ARB2A: variants seen among roughly 807,000 people sequenced by gnomAD.
ARB2A encodes cotranscriptional regulator ARB2A.
At chr5:93,985,141 G>C in the ARB2A span, among the ~76,000 whole-genome samples, 46 of 152,216 alleles carry the variant, frequency 3.0e-4, no homozygotes, top group African/African-American at 1.1e-3. Flanking sequence ...GCACAGTGTA[G>C]TCTTATTATC....
chr5:94,050,853 A>G, the ARB2A span: 1 of 1,483,564 alleles, frequency 6.7e-7, no homozygotes, highest in Non-Finnish European at 9.3e-7. Flanking sequence ...AACAAACAAT[A>G]TTGCTATACT....
the ARB2A span, among the ~76,000 whole-genome samples, chr5:93,785,694 C>T: frequency 6.6e-6 from 1 of 152,138 alleles, no homozygotes; most frequent in Non-Finnish European, 1.5e-5. Flanking sequence ...AACATTTCTG[C>T]ACCTCAAGTC....
chr5:93,995,351 A>T, the ARB2A span, among the ~76,000 whole-genome samples: 1 of 152,208 alleles, frequency 6.6e-6, no homozygotes, highest in African/African-American at 2.4e-5. Context: ...GTTCAGTGCA[A>T]TACTGTAAAC....
the ARB2A span, among the ~76,000 whole-genome samples, chr5:93,914,278 G>A: frequency 6.6e-6 from 1 of 151,956 alleles, no homozygotes; most frequent in Non-Finnish European, 1.5e-5. Flanking sequence ...GTTGTGAGGT[G>A]AATAGGAAAA....
At chr5:93,666,993 CCAGAAA>C in the ARB2A span, among the ~76,000 whole-genome samples, 6 of 152,022 alleles carry the variant, frequency 3.9e-5, no homozygotes, top group African/African-American at 1.4e-4. Context: ...CCTTTGGAGT[CCAGAAA>C]TGAATCTGTA....
chr5:93,670,193 G>A, the ARB2A span, among the ~76,000 whole-genome samples: 2 of 152,152 alleles, frequency 1.3e-5, no homozygotes, highest in East Asian at 3.8e-4. Flanking sequence ...AGGCTATTGA[G>A]CCAGCTTCTT....
the ARB2A span, among the ~76,000 whole-genome samples, chr5:93,687,925 G>A: frequency 6.6e-6 from 1 of 151,552 alleles, no homozygotes; most frequent in South Asian, 2.1e-4. Context: ...CTACTTCCAG[G>A]CAAAACCAAA....
chr5:93,745,829 G>A, the ARB2A span, among the ~76,000 whole-genome samples: 5 of 152,000 alleles, frequency 3.3e-5, no homozygotes, highest in Non-Finnish European at 5.9e-5. Flanking sequence ...AGTTAGCACT[G>A]ACCAGGCATT....
chr5:93,781,861 C>T, the ARB2A span: 1 of 985,060 alleles, frequency 1.0e-6, no homozygotes, highest in Non-Finnish European at 1.2e-6. Context: ...ACTTACAAAA[C>T]AAAAAACTTT....
chr5:93,641,475 A>T, the ARB2A span, among the ~76,000 whole-genome samples: 1 of 152,172 alleles, frequency 6.6e-6, no homozygotes, highest in Admixed American at 6.5e-5. Context: ...CTGCACATGA[A>T]AAAAGGAAGA....
chr5:93,903,367 G>C, the ARB2A span, among the ~76,000 whole-genome samples: 1 of 151,890 alleles, frequency 6.6e-6, no homozygotes, highest in African/African-American at 2.4e-5. Context: ...TCAGACATCA[G>C]CAATAACAAC....
the ARB2A span, among the ~76,000 whole-genome samples, chr5:93,770,354 T>A: frequency 6.6e-6 from 1 of 152,154 alleles, no homozygotes; most frequent in Non-Finnish European, 1.5e-5. Flanking sequence ...AATATCATAC[T>A]GAATGGGAAA....
chr5:94,047,726 T>A, the ARB2A span, among the ~76,000 whole-genome samples: 1 of 152,146 alleles, frequency 6.6e-6, no homozygotes, highest in Non-Finnish European at 1.5e-5. Flanking sequence ...GAATTATGTA[T>A]AAGATCCTAG....
the ARB2A span, among the ~76,000 whole-genome samples, chr5:94,103,652 T>C: frequency 2.6e-5 from 4 of 151,998 alleles, no homozygotes; most frequent in African/African-American, 9.7e-5. Context: ...GGACCTAAAC[T>C]TGACATTTGA....
At chr5:93,989,194 A>AAAAT in the ARB2A span, among the ~76,000 whole-genome samples, 2 of 152,208 alleles carry the variant, frequency 1.3e-5, no homozygotes, top group African/African-American at 4.8e-5. Context: ...TTTTAAAACA[A>AAAAT]AAATAAGATA....
the ARB2A span, among the ~76,000 whole-genome samples, chr5:93,701,053 G>C: frequency 6.6e-6 from 1 of 152,130 alleles, no homozygotes; most frequent in African/African-American, 2.4e-5. Context: ...GAATGTGTTT[G>C]TATCTAATCT....
the ARB2A span, among the ~76,000 whole-genome samples, chr5:93,762,818 A>T: frequency 6.6e-6 from 1 of 152,354 alleles, no homozygotes; most frequent in Non-Finnish European, 1.5e-5. Flanking sequence ...TGGGTTACCC[A>T]CAAAGGGAAG....
the ARB2A span, among the ~76,000 whole-genome samples, chr5:93,809,285 T>C: frequency 2.0e-5 from 3 of 152,152 alleles, no homozygotes; most frequent in South Asian, 2.1e-4. Context: ...GGTACTATGC[T>C]CACTATCTGG....
the ARB2A span, among the ~76,000 whole-genome samples, chr5:94,070,078 A>G: frequency 6.6e-6 from 1 of 151,488 alleles, no homozygotes; most frequent in Non-Finnish European, 1.5e-5. Context: ...AATGTGATAT[A>G]ATATACACAA....
Sources: gnomAD v4.1 joint callset for allele counts (sites outside exome capture counted in the v4.1 genomes callset) on GRCh38, gnomAD v4.1.1 for gene constraint, MANE v1.5 for transcripts, NCBI Gene and HGNC (gene_info 2026-07-23, HGNC 2026-07-21) for gene names.